Variants in GRID1 observed in about 807,000 individuals in gnomAD.
The protein encoded by GRID1 is glutamate receptor ionotropic, delta-1.
A neutral mutation model predicts 98.0 loss-of-function variants in GRID1; 28 were observed. The observed-to-expected ratio is 0.29, with a 90% confidence interval of 0.21 to 0.39. GRID1 has a LOEUF of 0.39. GRID1 is among the 10% of genes least tolerant of loss of function. The pLI, the probability that GRID1 is intolerant of heterozygous loss-of-function variation, is 1.00. For missense variants in GRID1, 1,111 were observed against 1,340.5 expected (o/e 0.83, Z 2.67); for synonymous variants, 553 against 538.5 (o/e 1.03, Z -0.37).
At chr10:85,677,347 C>T (rs1564556607) in intron 12 of GRID1, among the ~76,000 whole-genome samples, 1 of 152,166 alleles carries the variant, frequency 6.6e-6, no homozygotes, top group East Asian at 1.9e-4. Flanking sequence ...GGAAAAGGGA[C>T]AGGCATGAGG....
At chr10:86,222,796 C>G (rs148430775) in intron 2 of GRID1, among the ~76,000 whole-genome samples, 9 of 152,124 alleles carry the variant, frequency 5.9e-5, no homozygotes, top group Non-Finnish European at 1.2e-4. Flanking sequence ...TTCCCTGGAG[C>G]CCAGCTGAAG....
intron 15 of GRID1, among the ~76,000 whole-genome samples, chr10:85,604,969 C>T (rs561651347): frequency 1.3e-5 from 2 of 152,264 alleles, no homozygotes; most frequent in East Asian, 3.9e-4. Flanking sequence ...GAGACAGGAC[C>T]ATGATCCAAA....
rs528925846 is a variant in GRID1 at position 86,256,116 on chromosome 10, C to T, written c.236-49468G>A. Among the ~76,000 whole-genome samples, 31 of 152,284 alleles carry T rather than the reference C, an allele frequency of 2.0e-4. No individual in the cohort carries two copies. In the South Asian group the frequency reaches 5.8e-3, roughly 29 times the overall value. On this transcript the variant is annotated intron_variant, in intron 2 of 15. Coordinates refer to ENST00000327946, the MANE Select transcript of GRID1 (RefSeq NM_017551.3). Reference sequence around the variant, plus strand: ...GTCTGTGTGAATTTTGTCTGTGTGTCTTGCTCAGGACAGCCCTGGACAGAA... The same window carrying T: ...GTCTGTGTGAATTTTGTCTGTGTGTTTTGCTCAGGACAGCCCTGGACAGAA...
At position 85,599,938 on chromosome 10, in the gene GRID1, C is replaced by CACAG. The variant is rs1157103421; in HGVS notation, c.*2334_*2335insCTGT. On this transcript the variant is annotated 3_prime_UTR_variant, in exon 16 of 16. Transcript: ENST00000327946. ...TCTCTCTCACACACACACACACACA[C>CACAG]AAACACACACACACAGGCGCACAAA... is the stretch of plus-strand genomic sequence containing the variant. 1 of 149,280 alleles carries CACAG rather than the reference C, an allele frequency of 6.7e-6. No homozygotes were observed. The highest frequency in any genetic ancestry group is 1.5e-5 in the Non-Finnish European group (1 of 67,520). The allele number at this position is 149,280 out of a possible 1,614,324, so 9.2% of individuals were successfully genotyped here. A position where few individuals can be genotyped will look rare whatever the true frequency, so the allele number is the denominator to read the frequency against.
At chr10:86,302,489 T>C (rs989803897) in intron 2 of GRID1, among the ~76,000 whole-genome samples, 11 of 152,220 alleles carry the variant, frequency 7.2e-5, no homozygotes, top group African/African-American at 2.7e-4. Context: ...CAACCTCACA[T>C]GGCCAAGGAT....
intron 4 of GRID1, among the ~76,000 whole-genome samples, chr10:86,129,103 G>A (rs917082308): frequency 1.3e-5 from 2 of 152,234 alleles, no homozygotes; most frequent in Non-Finnish European, 2.9e-5. Flanking sequence ...GGGTGCCTGG[G>A]AGGTTGTAGA....
chr10:86,337,856 C>T (rs557892815), intron 2 of GRID1, among the ~76,000 whole-genome samples: 25 of 151,782 alleles, frequency 1.6e-4, no homozygotes, highest in African/African-American at 5.1e-4. Context: ...TACAGGCGCC[C>T]GCCACCACAC....
intron 4 of GRID1, among the ~76,000 whole-genome samples, chr10:85,970,925 A>AT (rs1019042040): frequency 1.3e-4 from 19 of 151,896 alleles, no homozygotes; most frequent in African/African-American, 3.6e-4. Flanking sequence ...CAGCTCATTT[A>AT]TTTTTTTTAA....
At chr10:85,644,643 C>T (rs1013330589) in intron 13 of GRID1, among the ~76,000 whole-genome samples, 1 of 152,086 alleles carries the variant, frequency 6.6e-6, no homozygotes. Flanking sequence ...TATGGCCTTT[C>T]TTGTCTCCAA....
chr10:86,035,488 C>T (rs1018341618), intron 4 of GRID1, among the ~76,000 whole-genome samples: 2 of 152,228 alleles, frequency 1.3e-5, no homozygotes, highest in African/African-American at 4.8e-5. Flanking sequence ...CAGCTCCAGA[C>T]ATGTGCTCAC....
chr10:85,840,015 T>C lies in GRID1; in HGVS notation c.1233+14481A>G, dbSNP rs868022669. Among the ~76,000 whole-genome samples, 15 of 152,176 alleles carry C rather than the reference T, an allele frequency of 9.9e-5. No individual in the cohort carries two copies. The South Asian group carries it at 2.5e-3, about 25-fold the overall frequency. On this transcript the variant is annotated intron_variant, in intron 8 of 15. Coordinates refer to ENST00000327946, the MANE Select transcript of GRID1 (RefSeq NM_017551.3). The stretch of plus-strand genomic sequence containing the variant: ...AGCTAGAAAATCTAGAAGAAATTGA[T>C]AAATTCGTGTCACATACACCCTCCC...
At chr10:85,843,057 G>A (rs1179799392) in intron 8 of GRID1, among the ~76,000 whole-genome samples, 2 of 151,934 alleles carry the variant, frequency 1.3e-5, no homozygotes, top group Non-Finnish European at 2.9e-5. Flanking sequence ...TGTGTAAAAC[G>A]TTTTGGTAAT....
At chr10:85,613,727 T>G in intron 14 of GRID1, 80 bp from the exon 15 acceptor site, 3 of 1,519,710 alleles carry the variant, frequency 2.0e-6, no homozygotes, top group Non-Finnish European at 2.7e-6. Flanking sequence ...TGCCCCACCA[T>G]GCTGGCCCCA....
chr10:85,672,298 T>A (rs1198730548), intron 12 of GRID1, among the ~76,000 whole-genome samples: 1 of 152,180 alleles, frequency 6.6e-6, no homozygotes, highest in Non-Finnish European at 1.5e-5. Flanking sequence ...AAGAATTATG[T>A]TCAATCTACT....
At chr10:85,660,772 T>C (rs114986913) in intron 12 of GRID1, among the ~76,000 whole-genome samples, 3,052 of 152,132 alleles carry the variant, frequency 0.02, 93 homozygotes, top group African/African-American at 0.068. Context: ...CCAGGGAACA[T>C]GGCACTTCCT....
intron 2 of GRID1, among the ~76,000 whole-genome samples, chr10:86,272,764 G>T (rs938126282): frequency 1.3e-5 from 2 of 152,114 alleles, no homozygotes; most frequent in African/African-American, 4.8e-5. Context: ...TGGGAAAGTG[G>T]TACACTCAAA....
At chr10:86,262,451 G>A (rs568839182) in intron 2 of GRID1, among the ~76,000 whole-genome samples, 1 of 152,296 alleles carries the variant, frequency 6.6e-6, no homozygotes, top group East Asian at 1.9e-4. Context: ...ATGCCACAGG[G>A]TCTAGGCCCA....
intron 13 of GRID1, among the ~76,000 whole-genome samples, chr10:85,633,906 T>C (rs916849302): frequency 1.3e-5 from 2 of 152,080 alleles, no homozygotes; most frequent in Non-Finnish European, 2.9e-5. Context: ...GCGAGGTGGC[T>C]CACATCTGTA....
At position 86,206,888 on chromosome 10, in the gene GRID1, G is replaced by A. The variant is rs1846034006; in HGVS notation, c.236-240C>T. On this transcript the variant is annotated intron_variant, in intron 2 of 15. Coordinates refer to ENST00000327946, the MANE Select transcript of GRID1 (RefSeq NM_017551.3). This position sits in a 1 kb window ranked among gnomAD's most constrained non-coding sequence, Gnocchi z 4.1. ...ACCCATTTAACATGAGAAAATAGAA[G>A]TCAAAACGGGCAAAACCATTTGCCC... Among the ~76,000 whole-genome samples the A allele has an allele frequency of 6.6e-6, 1 of 152,212 alleles. No homozygotes were observed. The highest frequency in any genetic ancestry group is 1.5e-5 in the Non-Finnish European group (1 of 68,036).
Sources: gnomAD v4.1 joint callset for allele counts (sites outside exome capture counted in the v4.1 genomes callset) on GRCh38, gnomAD v4.1.1 for gene constraint, Gnocchi (gnomAD v3.1) non-coding constraint, MANE v1.5 for transcripts, NCBI Gene and HGNC (gene_info 2026-07-23, HGNC 2026-07-21) for gene names.